CLEC16A: variants seen among roughly 807,000 people sequenced by gnomAD.
CLEC16A encodes C-type lectin domain containing 16A, also known as protein CLEC16A.
In CLEC16A, 51 loss-of-function variants were observed where a neutral mutation model predicts 109.5. That is an observed-to-expected ratio of 0.47 (90% CI 0.37 to 0.59). The LOEUF (loss-of-function observed/expected upper bound fraction) is 0.59, where lower values mean the gene tolerates loss of function less well. Among genes scored for constraint, CLEC16A ranks in the 20% least tolerant of loss-of-function variants. The pLI, the probability that CLEC16A is intolerant of heterozygous loss-of-function variation, is 0.00. For synonymous variants in CLEC16A, 673 were observed against 564.2 expected, an observed-to-expected ratio of 1.19 and a Z score of -2.73; for missense variants, 1,339 against 1,394.0, an observed-to-expected ratio of 0.96 and a Z score of 0.63.
chr16:10,994,005 G>C (rs530686579), intron 10 of CLEC16A, among the ~76,000 whole-genome samples: 8 of 152,212 alleles, frequency 5.3e-5, no homozygotes, highest in African/African-American at 1.7e-4. Context: ...CCATCTTGAC[G>C]TTACCTGCTC....
chr16:11,016,428 A>G (rs1026120034), intron 11 of CLEC16A, among the ~76,000 whole-genome samples: 1 of 150,618 alleles, frequency 6.6e-6, no homozygotes, highest in African/African-American at 2.5e-5. Context: ...GGCTCACTGC[A>G]ACCCCCACCC....
intron 22 of CLEC16A, among the ~76,000 whole-genome samples, chr16:11,156,280 G>T (rs1208549604): frequency 6.7e-6 from 1 of 150,152 alleles, no homozygotes; most frequent in African/African-American, 2.5e-5. Flanking sequence ...TGAGGCAGGA[G>T]AATCACTTGA....
Position 11,129,984 on chromosome 16 carries a change from G to A in CLEC16A, c.2641+3838G>A, listed in dbSNP as rs536379118. Among the ~76,000 whole-genome samples, 15 of 152,188 alleles carry A rather than the reference G, an allele frequency of 9.9e-5. No individual in the cohort carries two copies. The East Asian group carries it at 2.3e-3, about 24-fold the overall frequency. On this transcript the variant is annotated intron_variant, in intron 22 of 23. Coordinates refer to ENST00000409790, the MANE Select transcript of CLEC16A (RefSeq NM_015226.3). Reference sequence around the variant, plus strand: ...TCACCGTGTTAGCCAGGATGGTCTCGATCTCCTGACATTGTGATCCGCCTG... The same window carrying A: ...TCACCGTGTTAGCCAGGATGGTCTCAATCTCCTGACATTGTGATCCGCCTG...
At chr16:11,118,746 C>T (rs1165303128) in intron 19 of CLEC16A, among the ~76,000 whole-genome samples, 1 of 152,154 alleles carries the variant, frequency 6.6e-6, no homozygotes, top group Non-Finnish European at 1.5e-5. Flanking sequence ...CCCAGATTTT[C>T]TTCTAGGATT....
chr16:10,997,542 A>C (rs1015414606), intron 10 of CLEC16A, among the ~76,000 whole-genome samples: 1 of 152,178 alleles, frequency 6.6e-6, no homozygotes, highest in South Asian at 2.1e-4. Flanking sequence ...TCTCTTAACT[A>C]TTCTTAAGTG....
chr16:11,104,271 G>A (rs2051090175), intron 19 of CLEC16A, among the ~76,000 whole-genome samples: 2 of 30,658 alleles, frequency 6.5e-5, no homozygotes, highest in Admixed American at 7.7e-4. Context: ...ACCATACCCA[G>A]CTAATTTTTT....
chr16:11,080,939 C>G (rs951085944), intron 19 of CLEC16A, among the ~76,000 whole-genome samples: 1 of 152,218 alleles, frequency 6.6e-6, no homozygotes, highest in Non-Finnish European at 1.5e-5. Flanking sequence ...TTCACAGGTT[C>G]CAGGGATTAG....
intron 10 of CLEC16A, among the ~76,000 whole-genome samples, chr16:10,987,505 A>G (rs536212990): frequency 6.6e-6 from 1 of 152,140 alleles, no homozygotes; most frequent in Admixed American, 6.5e-5. Context: ...TGCCTTTGGG[A>G]TGTAAGAGCC....
At chr16:10,982,110 C>A (rs2043354726) in intron 9 of CLEC16A, among the ~76,000 whole-genome samples, 1 of 152,232 alleles carries the variant, frequency 6.6e-6, no homozygotes, top group Non-Finnish European at 1.5e-5. Flanking sequence ...CTGTGCTACA[C>A]CCTCTTGCCT....
intron 10 of CLEC16A, among the ~76,000 whole-genome samples, chr16:10,995,728 G>A (rs2044287656): frequency 6.6e-6 from 1 of 152,184 alleles, no homozygotes; most frequent in Non-Finnish European, 1.5e-5. Context: ...GGCTCCTGTG[G>A]TCAGGGTCGC....
chr16:10,971,727 G>A (rs183658511), intron 5 of CLEC16A, among the ~76,000 whole-genome samples: 1 of 152,284 alleles, frequency 6.6e-6, no homozygotes, highest in East Asian at 1.9e-4. Flanking sequence ...TGTTCTTAAT[G>A]CCCAAAACAT....
At chr16:11,068,665 C>G (rs2048894016) in intron 19 of CLEC16A, among the ~76,000 whole-genome samples, 1 of 152,208 alleles carries the variant, frequency 6.6e-6, no homozygotes, top group African/African-American at 2.4e-5. Flanking sequence ...CCCTGACTCC[C>G]CTCTTTCTCT....
intron 23 of CLEC16A, among the ~76,000 whole-genome samples, chr16:11,167,538 G>A (rs1597619389): frequency 6.6e-6 from 1 of 152,236 alleles, no homozygotes; most frequent in South Asian, 2.1e-4. Flanking sequence ...TCAGCACCAG[G>A]AGCCAAGATC....
intron 22 of CLEC16A, among the ~76,000 whole-genome samples, chr16:11,143,061 C>T (rs987294087): frequency 6.6e-6 from 1 of 152,202 alleles, no homozygotes; most frequent in African/African-American, 2.4e-5. Flanking sequence ...TCCACCCGGC[C>T]TTGGCCTCCC....
intron 22 of CLEC16A, among the ~76,000 whole-genome samples, chr16:11,156,261 T>C (rs538195356): frequency 2.0e-5 from 3 of 151,916 alleles, no homozygotes; most frequent in African/African-American, 7.2e-5. Flanking sequence ...TCCCAGCTAC[T>C]TGGGAGGCTG....
At chr16:11,102,113 C>G (rs1024184199) in intron 19 of CLEC16A, among the ~76,000 whole-genome samples, 1 of 151,752 alleles carries the variant, frequency 6.6e-6, no homozygotes, top group Non-Finnish European at 1.5e-5. Flanking sequence ...GCACCTAGTT[C>G]ATTTTTAAAA....
chr16:11,093,650 G>C (rs1199782173), intron 19 of CLEC16A, among the ~76,000 whole-genome samples: 1 of 152,172 alleles, frequency 6.6e-6, no homozygotes, highest in Non-Finnish European at 1.5e-5. Flanking sequence ...GCCGAGGGTG[G>C]GCAGATGCAC....
intron 19 of CLEC16A, among the ~76,000 whole-genome samples, chr16:11,067,481 G>A (rs1019384561): frequency 3.3e-5 from 5 of 152,140 alleles, no homozygotes; most frequent in Non-Finnish European, 7.3e-5. Context: ...TGGGGATTTG[G>A]GGAAGATGAG....
At chr16:10,953,871 G>A (rs1282823834) in intron 1 of CLEC16A, among the ~76,000 whole-genome samples, 1 of 151,950 alleles carries the variant, frequency 6.6e-6, no homozygotes, top group East Asian at 1.9e-4. Context: ...CAGCTATTCG[G>A]AAGGCTGAGG....
Sources: allele counts gnomAD v4.1 joint callset (sites outside exome capture counted in the v4.1 genomes callset), GRCh38; gene constraint gnomAD v4.1.1; transcripts MANE v1.5; gene names NCBI Gene and HGNC (gene_info 2026-07-23, HGNC 2026-07-21).